STK32C: variants seen among roughly 807,000 people sequenced by gnomAD.
The protein encoded by STK32C is serine/threonine kinase 32C.
STK32C carries 31 observed loss-of-function variants against 56.5 expected under a neutral mutation model. The ratio of observed to expected loss-of-function variants is 0.55; its 90% CI spans 0.41 to 0.74. The LOEUF (loss-of-function observed/expected upper bound fraction) is 0.74, where lower values mean the gene tolerates loss of function less well. Ranked by LOEUF, STK32C falls within the 30% of genes least tolerant of loss-of-function variation. The pLI, the probability that STK32C is intolerant of heterozygous loss-of-function variation, is 0.00. For synonymous variants in STK32C, 309 were observed against 289.4 expected, an observed-to-expected ratio of 1.07 and a Z score of -0.69; for missense variants, 544 against 676.9, an observed-to-expected ratio of 0.80 and a Z score of 2.18.
chr10:132,237,849 C>A (rs1409550915), intron 2 of STK32C, among the ~76,000 whole-genome samples: 1 of 152,176 alleles, frequency 6.6e-6, no homozygotes, highest in African/African-American at 2.4e-5. Context: ...CATTTAGGAA[C>A]CTCCAGCTGC....
At chr10:132,315,908 G>A (rs981440737) in intron 1 of STK32C, among the ~76,000 whole-genome samples, 2 of 151,994 alleles carry the variant, frequency 1.3e-5, no homozygotes, top group African/African-American at 2.4e-5. Context: ...AATTATAAAA[G>A]AGAGTCCAAC....
In STK32C at chr10:132,224,258, C is replaced by T. The variant is rs147167253; in HGVS notation, c.993+149G>A. ...TCCTGGGGCTTGGGGCTGCCATCTGCGGAGGCCCCCACAGGTTGCAGTGAA... is the reference window on the plus strand; with the variant it reads ...TCCTGGGGCTTGGGGCTGCCATCTGTGGAGGCCCCCACAGGTTGCAGTGAA... On this transcript the variant is annotated intron_variant, in intron 8 of 11. Coordinates refer to ENST00000298630, the MANE Select transcript of STK32C (RefSeq NM_173575.4). 1,892 of 652,030 alleles carry T rather than the reference C, an allele frequency of 2.9e-3. 5 individuals are homozygous for T. Among genetic ancestry groups the T allele is most frequent in the Non-Finnish European group, 3.8e-3 (1,411 of 366,598 alleles). 40.4% of individuals were successfully genotyped at this position (652,030 alleles called of 1,614,324 possible).
chr10:132,228,285 G>A, intron 2 of STK32C, 157 bp from the exon 3 acceptor site: 1 of 821,020 alleles, frequency 1.2e-6, no homozygotes, highest in Non-Finnish European at 2.1e-6. Flanking sequence ...GACGCGGCAG[G>A]TGCATTCCTC....
chr10:132,273,488 C>T (rs151217565), intron 1 of STK32C, among the ~76,000 whole-genome samples: 111 of 150,486 alleles, frequency 7.4e-4, no homozygotes, highest in Admixed American at 2.4e-3. Flanking sequence ...AGTGAGTGAA[C>T]GAATGCACGG....
intron 2 of STK32C, among the ~76,000 whole-genome samples, chr10:132,234,643 T>C (rs542557436): frequency 2.0e-5 from 3 of 152,178 alleles, no homozygotes; most frequent in East Asian, 1.9e-4. Context: ...CCCCTCCTGC[T>C]TGGGGAGTGG....
At chr10:132,226,209 C>T (rs1276427782) in intron 4 of STK32C, among the ~76,000 whole-genome samples, 1 of 152,218 alleles carries the variant, frequency 6.6e-6, no homozygotes, top group Admixed American at 6.5e-5. Flanking sequence ...ACATCCGAGT[C>T]CCCAAGAGCA....
intron 2 of STK32C, among the ~76,000 whole-genome samples, chr10:132,232,260 T>TTGAA (rs2063129703): frequency 6.6e-6 from 1 of 152,076 alleles, no homozygotes; most frequent in Non-Finnish European, 1.5e-5. Flanking sequence ...GTCAGGCACG[T>TTGAA]TGAAGGTGGT....
At chr10:132,297,115 T>C (rs2065773083) in intron 1 of STK32C, among the ~76,000 whole-genome samples, 1 of 152,224 alleles carries the variant, frequency 6.6e-6, no homozygotes, top group Admixed American at 6.5e-5. Flanking sequence ...CGGGTGACAG[T>C]CACGGCTTAG....
chr10:132,263,703 C>G (rs1038376471), intron 1 of STK32C, among the ~76,000 whole-genome samples: 4 of 138,916 alleles, frequency 2.9e-5, no homozygotes, highest in African/African-American at 1.0e-4. Context: ...ACAAAAAATA[C>G]AAAAAAAAAA....
intron 8 of STK32C, 41 bp downstream of exon 8, chr10:132,224,365 TG>T: frequency 7.0e-7 from 1 of 1,423,642 alleles, no homozygotes; most frequent in Non-Finnish European, 9.7e-7. Flanking sequence ...GGGAGGGAGG[TG>T]GGTGCTCGGA....
chr10:132,331,951 G>T, upstream of STK32C: 6 of 470,416 alleles, frequency 1.3e-5, no homozygotes, highest in South Asian at 2.8e-5. Context: ...CCGCCCCAGC[G>T]CAGGCGCACC....
chr10:132,307,970 G>T, upstream of STK32C: 2 of 981,564 alleles, frequency 2.0e-6, no homozygotes, highest in South Asian at 8.4e-5. The surrounding 1 kb of genome is among the most constrained non-coding windows in gnomAD (Gnocchi z 4.4). Context: ...AACCCGCCCC[G>T]TAGATTGCGA....
intron 1 of STK32C, among the ~76,000 whole-genome samples, chr10:132,300,026 A>G (rs1298851164): frequency 6.6e-6 from 1 of 152,216 alleles, no homozygotes; most frequent in Non-Finnish European, 1.5e-5. Context: ...AACAAGACAA[A>G]TGTCATCCTT....
intron 4 of STK32C, among the ~76,000 whole-genome samples, chr10:132,226,062 A>C (rs1198068954): frequency 6.6e-6 from 1 of 152,148 alleles, no homozygotes; most frequent in Non-Finnish European, 1.5e-5. Context: ...AGAGGACGAG[A>C]GCAATTGCTG....
intron 1 of STK32C, among the ~76,000 whole-genome samples, chr10:132,330,641 G>T (rs1350688156): frequency 4.7e-5 from 7 of 150,164 alleles, no homozygotes; most frequent in Non-Finnish European, 8.9e-5. Context: ...CCACACAGCT[G>T]GAACTACAGG....
intron 1 of STK32C, among the ~76,000 whole-genome samples, chr10:132,254,241 A>G (rs12249015): frequency 0.33 from 49,714 of 152,040 alleles, 10,630 homozygotes; most frequent in African/African-American, 0.61. Flanking sequence ...CCCGGGAGGC[A>G]GAGGTTGCAG....
intron 1 of STK32C, among the ~76,000 whole-genome samples, chr10:132,294,413 A>G (rs1200347574): frequency 6.6e-6 from 1 of 152,080 alleles, no homozygotes; most frequent in East Asian, 1.9e-4. Flanking sequence ...GGGTTTTGGG[A>G]GAACTGGAGG....
At chr10:132,236,592 C>A (rs2063303734) in intron 2 of STK32C, among the ~76,000 whole-genome samples, 1 of 152,190 alleles carries the variant, frequency 6.6e-6, no homozygotes, top group East Asian at 1.9e-4. Context: ...TTGAGACTGA[C>A]CTGAGGCAGC....
upstream of STK32C, among the ~76,000 whole-genome samples, chr10:132,308,754 C>T (rs1369854051): frequency 2.0e-5 from 3 of 152,190 alleles, no homozygotes; most frequent in Non-Finnish European, 2.9e-5. Context: ...GCGACAGGGG[C>T]CTCGGCACTC....
Sources: allele counts gnomAD v4.1 joint callset (sites outside exome capture counted in the v4.1 genomes callset), GRCh38; gene constraint gnomAD v4.1.1; non-coding constraint Gnocchi (gnomAD v3.1); transcripts MANE v1.5; gene names NCBI Gene and HGNC (gene_info 2026-07-23, HGNC 2026-07-21).